Variants in CSRNP3 observed in about 807,000 individuals in gnomAD.
CSRNP3 encodes cysteine and serine rich nuclear protein 3.
Under a neutral mutation model 48.0 loss-of-function variants are expected in CSRNP3, and 12 were observed. The ratio of observed to expected loss-of-function variants is 0.25; its 90% CI spans 0.16 to 0.41. CSRNP3 has a LOEUF of 0.41. CSRNP3 is among the 10% of genes least tolerant of loss of function. CSRNP3 has a pLI of 1.00. For synonymous variants in CSRNP3, 263 were observed against 269.7 expected (o/e 0.98, Z 0.24); for missense variants, 580 against 724.4 (o/e 0.80, Z 2.29).
intron 4 of CSRNP3, among the ~76,000 whole-genome samples, chr2:165,645,045 G>T (rs1030440953): frequency 6.6e-6 from 1 of 151,930 alleles, no homozygotes; most frequent in African/African-American, 2.4e-5. Context: ...TATAAAAAGG[G>T]CACTAAGGCC....
chr2:165,503,783 G>T (rs540382041), intron 2 of CSRNP3, among the ~76,000 whole-genome samples: 19 of 151,988 alleles, frequency 1.3e-4, no homozygotes, highest in African/African-American at 4.3e-4. Context: ...CTATGAAAGG[G>T]ATTTTGTAAT....
At chr2:165,582,106 T>C (rs1685558407) in intron 3 of CSRNP3, among the ~76,000 whole-genome samples, 1 of 152,220 alleles carries the variant, frequency 6.6e-6, no homozygotes, top group Non-Finnish European at 1.5e-5. Flanking sequence ...AGAAGCCACT[T>C]AACCACAGTG....
intron 1 of CSRNP3, among the ~76,000 whole-genome samples, chr2:165,476,319 T>G (rs1474690880): frequency 6.6e-6 from 1 of 152,218 alleles, no homozygotes; most frequent in Non-Finnish European, 1.5e-5. Flanking sequence ...TTGCTGTGTG[T>G]CACTGGGGTT....
At chr2:165,475,549 T>C (rs1211522522) in intron 1 of CSRNP3, among the ~76,000 whole-genome samples, 3 of 152,232 alleles carry the variant, frequency 2.0e-5, no homozygotes, top group Non-Finnish European at 4.4e-5. Context: ...TTATAGCTCT[T>C]GATGACAAGG....
intron 5 of CSRNP3, among the ~76,000 whole-genome samples, chr2:165,665,657 G>A (rs1380040270): frequency 1.3e-5 from 2 of 151,956 alleles, no homozygotes; most frequent in Admixed American, 1.3e-4. Flanking sequence ...CTACTTGGAA[G>A]GTTGTGATGA....
intron 2 of CSRNP3, among the ~76,000 whole-genome samples, chr2:165,500,758 A>G (rs912799302): frequency 1.3e-5 from 2 of 152,024 alleles, no homozygotes; most frequent in Non-Finnish European, 2.9e-5. Flanking sequence ...GTGCCTGGCC[A>G]TTATTTATAT....
intron 3 of CSRNP3, among the ~76,000 whole-genome samples, chr2:165,585,216 T>G (rs1173847750): frequency 2.0e-5 from 3 of 152,068 alleles, no homozygotes; most frequent in Admixed American, 2.0e-4. Context: ...TAATGTGTTT[T>G]TTTTTTTTTT....
chr2:165,684,989 A>C lies in CSRNP3; in HGVS notation c.*5236A>C, dbSNP rs1687607686. Reference sequence around the variant, plus strand: ...TGCTCACATCTGCTGACCAACATTCATATCAATTACATTTTTACAGTCTGT... The same window carrying C: ...TGCTCACATCTGCTGACCAACATTCCTATCAATTACATTTTTACAGTCTGT... On this transcript the variant is annotated 3_prime_UTR_variant, in exon 7 of 7. Transcript: ENST00000651982. The C allele has an allele frequency of 6.6e-6, 1 of 152,104 alleles. No homozygotes were observed. The highest frequency in any genetic ancestry group is 1.5e-5 in the Non-Finnish European group (1 of 67,984). 9.4% of individuals were successfully genotyped at this position (152,104 alleles called of 1,614,324 possible).
At chr2:165,553,021 A>G (rs1259528562) in intron 3 of CSRNP3, among the ~76,000 whole-genome samples, 2 of 152,128 alleles carry the variant, frequency 1.3e-5, no homozygotes, top group African/African-American at 2.4e-5. Context: ...TGTAATATCA[A>G]CGTTCATGTA....
At chr2:165,624,002 GT>G (rs1686386816) in intron 4 of CSRNP3, among the ~76,000 whole-genome samples, 1 of 152,100 alleles carries the variant, frequency 6.6e-6, no homozygotes, top group African/African-American at 2.4e-5. Context: ...CGTCTTTGAA[GT>G]TTTCTCTTAT....
intron 3 of CSRNP3, among the ~76,000 whole-genome samples, chr2:165,542,536 T>C (rs1036192930): frequency 7.9e-5 from 12 of 152,170 alleles, no homozygotes; most frequent in African/African-American, 2.9e-4. Flanking sequence ...CACTATATCA[T>C]GAAAATATCC....
chr2:165,606,948 T>C (rs976172566), intron 4 of CSRNP3, among the ~76,000 whole-genome samples: 19 of 152,160 alleles, frequency 1.2e-4, no homozygotes, highest in African/African-American at 3.1e-4. Context: ...TTGCCTTAGC[T>C]ACACTCTCTT....
intron 3 of CSRNP3, among the ~76,000 whole-genome samples, chr2:165,565,728 C>T (rs570202555): frequency 6.6e-6 from 1 of 151,986 alleles, no homozygotes; most frequent in East Asian, 1.9e-4. Context: ...AAAACATTTG[C>T]CTAAAGGAGA....
chr2:165,481,324 T>A (rs1225099757), intron 1 of CSRNP3, among the ~76,000 whole-genome samples: 1 of 152,068 alleles, frequency 6.6e-6, no homozygotes, highest in Non-Finnish European at 1.5e-5. Context: ...AGGGAGGGAA[T>A]ATACCCTGAC....
chr2:165,512,507 A>G (rs1239859779), intron 2 of CSRNP3, among the ~76,000 whole-genome samples: 4 of 152,338 alleles, frequency 2.6e-5, no homozygotes, highest in Non-Finnish European at 5.9e-5. Flanking sequence ...CCTCATCTAT[A>G]AATAGTCTAA....
chr2:165,525,264 G>C (rs1464596245), intron 3 of CSRNP3, among the ~76,000 whole-genome samples: 7 of 151,884 alleles, frequency 4.6e-5, no homozygotes, highest in African/African-American at 1.7e-4. Context: ...ATACTAAGTT[G>C]TTTTCTATTT....
In CSRNP3 at chr2:165,645,566, A is replaced by G. The variant is rs142975561; in HGVS notation, c.149-12195A>G. Among the ~76,000 whole-genome samples the G allele has an allele frequency of 7.1e-3, 1,085 of 152,332 alleles. 17 individuals are homozygous for G. The highest frequency in any genetic ancestry group is 0.025 in the African/African-American group (1,031 of 41,576). ...CCCAATTTTAAAATGTGATCTATCT[A>G]TAGAAAAATCACAGTTATAGTAAAA... On this transcript the variant is annotated intron_variant, in intron 4 of 6. Coordinates refer to ENST00000651982, the MANE Select transcript of CSRNP3 (RefSeq NM_001172173.2).
chr2:165,566,849 T>C (rs1250827057), intron 3 of CSRNP3: 2 of 151,972 alleles, frequency 1.3e-5, no homozygotes, highest in African/African-American at 2.4e-5. Context: ...TCCAAGAGTA[T>C]AGAACTCAGT....
At chr2:165,546,265 C>G (rs1685023824) in intron 3 of CSRNP3, among the ~76,000 whole-genome samples, 1 of 152,106 alleles carries the variant, frequency 6.6e-6, no homozygotes. Context: ...AGTCTCGGCT[C>G]ACTGCAACCT....
Sources: gnomAD v4.1 joint callset for allele counts (sites outside exome capture counted in the v4.1 genomes callset) on GRCh38, gnomAD v4.1.1 for gene constraint, MANE v1.5 for transcripts, NCBI Gene and HGNC (gene_info 2026-07-23, HGNC 2026-07-21) for gene names.